GPC5: variants seen among roughly 807,000 people sequenced by gnomAD.
GPC5 encodes the protein glypican-5.
Under a neutral mutation model 53.9 loss-of-function variants are expected in GPC5, and 47 were observed. The observed-to-expected ratio is 0.87, with a 90% CI of 0.69 to 1.11. The LOEUF (loss-of-function observed/expected upper bound fraction) is 1.11, where lower values mean the gene tolerates loss of function less well. Ranked by LOEUF, GPC5 falls within the 50% of genes most tolerant of loss-of-function variation. The pLI is 0.00. For missense variants in GPC5, 748 were observed against 713.1 expected (o/e 1.05, Z -0.56); for synonymous variants, 286 against 263.3 (o/e 1.09, Z -0.84).
intron 7 of GPC5, among the ~76,000 whole-genome samples, chr13:92,315,797 C>G (rs1036373352): frequency 2.6e-5 from 4 of 152,038 alleles, no homozygotes; most frequent in African/African-American, 4.8e-5. Context: ...TTATTTTTTG[C>G]TGTACTTTAA....
chr13:92,003,010 G>GA (rs1452576096), intron 6 of GPC5, among the ~76,000 whole-genome samples: 1 of 151,982 alleles, frequency 6.6e-6, no homozygotes. Flanking sequence ...AAAAGTAGTA[G>GA]AAAAAAATTA....
At chr13:91,685,839 G>A (rs2035610440) in intron 2 of GPC5, among the ~76,000 whole-genome samples, 1 of 151,756 alleles carries the variant, frequency 6.6e-6, no homozygotes, top group Non-Finnish European at 1.5e-5. Flanking sequence ...ATTTCAAATA[G>A]AGAAAATGAG....
At chr13:92,201,021 G>T (rs534449960) in intron 7 of GPC5, among the ~76,000 whole-genome samples, 7 of 151,210 alleles carry the variant, frequency 4.6e-5, no homozygotes, top group African/African-American at 1.7e-4. Flanking sequence ...GCACACACAC[G>T]GGAGGTTACG....
chr13:91,482,983 A>G (rs530085923), intron 2 of GPC5, among the ~76,000 whole-genome samples: 81 of 152,106 alleles, frequency 5.3e-4, no homozygotes, highest in African/African-American at 1.9e-3. Flanking sequence ...TTGTTATAAT[A>G]TAGTAGTAAT....
chr13:92,345,967 T>G (rs1173304189), intron 7 of GPC5, among the ~76,000 whole-genome samples: 2 of 152,196 alleles, frequency 1.3e-5, no homozygotes, highest in Non-Finnish European at 2.9e-5. Context: ...CTGAGCTGAT[T>G]GCCTTCATAA....
At chr13:91,794,311 A>T (rs967922345) in intron 5 of GPC5, among the ~76,000 whole-genome samples, 3 of 152,200 alleles carry the variant, frequency 2.0e-5, no homozygotes, top group Non-Finnish European at 4.4e-5. Context: ...CCAGAACTGT[A>T]GTAAACTAAT....
intron 4 of GPC5, among the ~76,000 whole-genome samples, chr13:91,729,061 T>C (rs1024733710): frequency 2.6e-5 from 4 of 152,190 alleles, no homozygotes; most frequent in African/African-American, 4.8e-5. Context: ...GGCTATTGTA[T>C]TGGACAGTGA....
At chr13:91,724,577 G>C (rs1479216150) in intron 3 of GPC5, among the ~76,000 whole-genome samples, 1 of 152,048 alleles carries the variant, frequency 6.6e-6, no homozygotes, top group Non-Finnish European at 1.5e-5. Context: ...GGGTAGGCAC[G>C]GTGTCTCATG....
chr13:92,048,274 A>ATGT (rs2040999645), intron 6 of GPC5, among the ~76,000 whole-genome samples: 2 of 116,814 alleles, frequency 1.7e-5, no homozygotes, highest in Non-Finnish European at 3.8e-5. Context: ...GTTGTAACAT[A>ATGT]TATTATATGT....
intron 7 of GPC5, among the ~76,000 whole-genome samples, chr13:92,769,644 C>A (rs1316788513): frequency 1.3e-5 from 2 of 152,118 alleles, no homozygotes; most frequent in African/African-American, 4.8e-5. Context: ...GAATGATAAA[C>A]ACAACATAAG....
chr13:92,128,732 A>C (rs894734747), intron 6 of GPC5, among the ~76,000 whole-genome samples: 2 of 152,152 alleles, frequency 1.3e-5, no homozygotes, highest in African/African-American at 2.4e-5. Flanking sequence ...TGGGAAGCAG[A>C]AGCAGCTGGA....
At chr13:92,091,607 G>C (rs1224176496) in intron 6 of GPC5, among the ~76,000 whole-genome samples, 1 of 151,940 alleles carries the variant, frequency 6.6e-6, no homozygotes, top group Non-Finnish European at 1.5e-5. Context: ...GAGTAACATA[G>C]TACAAACCTA....
intron 7 of GPC5, among the ~76,000 whole-genome samples, chr13:92,784,710 G>A (rs1436874167): frequency 2.0e-5 from 3 of 152,062 alleles, no homozygotes; most frequent in Admixed American, 6.6e-5. Context: ...ATTTCAGTTA[G>A]TGGATTAACA....
chr13:91,563,373 A>G (rs926511714), intron 2 of GPC5, among the ~76,000 whole-genome samples: 18 of 152,310 alleles, frequency 1.2e-4, no homozygotes, highest in African/African-American at 4.3e-4. Context: ...TGTAGTAGCA[A>G]TTAAAAAAAA....
intron 7 of GPC5, among the ~76,000 whole-genome samples, chr13:92,253,289 G>A (rs1313156558): frequency 6.6e-6 from 1 of 152,126 alleles, no homozygotes; most frequent in East Asian, 1.9e-4. Context: ...ATTAATGGGT[G>A]ATGAGAAGTC....
At chr13:91,518,143 A>C (rs1461819843) in intron 2 of GPC5, among the ~76,000 whole-genome samples, 1 of 152,250 alleles carries the variant, frequency 6.6e-6, no homozygotes, top group East Asian at 1.9e-4. Context: ...TCATTTGTAC[A>C]TAATTCAAAA....
chr13:92,482,310 G>C (rs531746489), intron 7 of GPC5, among the ~76,000 whole-genome samples: 1 of 152,146 alleles, frequency 6.6e-6, no homozygotes, highest in South Asian at 2.1e-4. Context: ...CTTTTGAATT[G>C]CTTAAATGAC....
intron 7 of GPC5, among the ~76,000 whole-genome samples, chr13:92,841,085 T>A (rs1878413382): frequency 6.6e-6 from 1 of 152,116 alleles, no homozygotes; most frequent in Non-Finnish European, 1.5e-5. Flanking sequence ...TCCTTTCCAA[T>A]TCATATGCCC....
chr13:92,664,501 G>A (rs1164251063), intron 7 of GPC5, among the ~76,000 whole-genome samples: 1 of 151,842 alleles, frequency 6.6e-6, no homozygotes, highest in Non-Finnish European at 1.5e-5. Flanking sequence ...AGTGGAGTAG[G>A]GTAAAAATGA....
Sources: gnomAD v4.1 joint callset for allele counts (sites outside exome capture counted in the v4.1 genomes callset) on GRCh38, gnomAD v4.1.1 for gene constraint, MANE v1.5 for transcripts, NCBI Gene and HGNC (gene_info 2026-07-23, HGNC 2026-07-21) for gene names.